The following SLC38A12 variants were observed in gnomAD, a reference collection of about 807,000 sequenced individuals.
SLC38A12 encodes the protein solute carrier family 38 member 12, also known as putative sodium-coupled neutral amino acid transporter 12.
the SLC38A12 span, among the ~76,000 whole-genome samples, chr17:74,823,876 C>T: frequency 1.3e-5 from 2 of 152,268 alleles, no homozygotes; most frequent in African/African-American, 2.4e-5. Flanking sequence ...ACAGTTGGAT[C>T]GAGGCTTCTC....
chr17:74,787,547 G>A, the SLC38A12 span, among the ~76,000 whole-genome samples: 50 of 151,498 alleles, frequency 3.3e-4, no homozygotes, highest in African/African-American at 1.0e-3. Context: ...GCGTGAACCC[G>A]GGAAGCGGAG....
chr17:74,831,101 G>A, the SLC38A12 span, among the ~76,000 whole-genome samples: 13 of 152,144 alleles, frequency 8.5e-5, no homozygotes, highest in South Asian at 6.2e-4. Context: ...TCCACGTCCC[G>A]TCTGACACCT....
chr17:74,787,928 G>A, the SLC38A12 span, among the ~76,000 whole-genome samples: 1 of 151,840 alleles, frequency 6.6e-6, no homozygotes, highest in South Asian at 2.1e-4. Context: ...CAAGTAGCTG[G>A]GATTACAGGC....
At chr17:74,815,605 G>T in the SLC38A12 span, among the ~76,000 whole-genome samples, 1 of 152,160 alleles carries the variant, frequency 6.6e-6, no homozygotes, top group African/African-American at 2.4e-5. Flanking sequence ...GGCTCCTTTT[G>T]CATATGACAC....
At chr17:74,779,440 A>G in the SLC38A12 span, among the ~76,000 whole-genome samples, 1 of 143,494 alleles carries the variant, frequency 7.0e-6, no homozygotes, top group Admixed American at 6.9e-5. Context: ...TAGGGAGGAG[A>G]TGGGGTGGGA....
chr17:74,839,293 C>T, the SLC38A12 span: 4 of 995,202 alleles, frequency 4.0e-6, no homozygotes, highest in South Asian at 3.5e-5. Context: ...GGAGCAGCCT[C>T]GGCAACAGGC....
chr17:74,839,391 CAGG>C, the SLC38A12 span: 1 of 405,618 alleles, frequency 2.5e-6, no homozygotes, highest in Non-Finnish European at 4.5e-6. Flanking sequence ...CTGGCAGTGC[CAGG>C]CCTGGGGGAA....
chr17:74,830,713 G>T, the SLC38A12 span, among the ~76,000 whole-genome samples: 1 of 152,256 alleles, frequency 6.6e-6, no homozygotes, highest in East Asian at 1.9e-4. Context: ...GGGAAGGCAG[G>T]CACCTTCTCT....
chr17:74,798,855 T>C, the SLC38A12 span, among the ~76,000 whole-genome samples: 2 of 151,974 alleles, frequency 1.3e-5, no homozygotes. Flanking sequence ...TCAGGATTCT[T>C]TCTGCAGTTT....
the SLC38A12 span, among the ~76,000 whole-genome samples, chr17:74,778,557 T>C: frequency 2.6e-5 from 4 of 152,070 alleles, no homozygotes; most frequent in African/African-American, 4.8e-5. Context: ...TTCCAGAGTC[T>C]TCCTATTGGG....
chr17:74,788,980 C>T, the SLC38A12 span: 15 of 910,640 alleles, frequency 1.6e-5, no homozygotes, highest in East Asian at 2.3e-4. Flanking sequence ...GCTCTGTCCA[C>T]GGCACTGCTC....
chr17:74,811,749 G>T, the SLC38A12 span, among the ~76,000 whole-genome samples: 212 of 148,112 alleles, frequency 1.4e-3, 2 homozygotes, highest in Middle Eastern at 8.2e-3. Flanking sequence ...AATAGTATTG[G>T]GGCTAGGCAT....
chr17:74,816,389 A>C, the SLC38A12 span, among the ~76,000 whole-genome samples: 12 of 152,358 alleles, frequency 7.9e-5, no homozygotes, highest in East Asian at 2.1e-3. Context: ...TGGGCAGCGC[A>C]TGTAAGGGAC....
the SLC38A12 span, among the ~76,000 whole-genome samples, chr17:74,792,795 A>G: frequency 1.3e-5 from 2 of 152,360 alleles, no homozygotes; most frequent in African/African-American, 4.8e-5. Context: ...CCGGCCTCAC[A>G]GAGGGATTTC....
At chr17:74,777,512 T>A in the SLC38A12 span, 1 of 1,541,280 alleles carries the variant, frequency 6.5e-7, no homozygotes, top group Non-Finnish European at 8.8e-7. Context: ...GGGAGTTCCA[T>A]GGGGCAGCGA....
At chr17:74,830,494 T>A in the SLC38A12 span, among the ~76,000 whole-genome samples, 1 of 152,208 alleles carries the variant, frequency 6.6e-6, no homozygotes, top group Non-Finnish European at 1.5e-5. Flanking sequence ...CTGCTTCTCT[T>A]CGCTTCTCTT....
chr17:74,836,057 G>C, the SLC38A12 span: 3 of 1,613,364 alleles, frequency 1.9e-6, no homozygotes, highest in Non-Finnish European at 2.5e-6. This position sits in a 1 kb window ranked among gnomAD's most constrained non-coding sequence, Gnocchi z 4.2. Context: ...TCATGTGCCA[G>C]CACTCTCTGC....
At chr17:74,812,826 C>G in the SLC38A12 span, among the ~76,000 whole-genome samples, 2 of 152,174 alleles carry the variant, frequency 1.3e-5, no homozygotes, top group African/African-American at 4.8e-5. Context: ...AAATCCCCAT[C>G]AGCCCCCAGC....
the SLC38A12 span, among the ~76,000 whole-genome samples, chr17:74,818,379 C>T: frequency 2.6e-5 from 4 of 152,230 alleles, no homozygotes; most frequent in Non-Finnish European, 4.4e-5. Flanking sequence ...GCTGCCAGGT[C>T]GCCTTCTCTA....
Sources: gnomAD v4.1 joint callset for allele counts (sites outside exome capture counted in the v4.1 genomes callset) on GRCh38, gnomAD v4.1.1 for gene constraint, Gnocchi (gnomAD v3.1) non-coding constraint, MANE v1.5 for transcripts, NCBI Gene and HGNC (gene_info 2026-07-23, HGNC 2026-07-21) for gene names.